The following BAIAP2L1 variants were observed in gnomAD, a reference collection of about 807,000 sequenced individuals.
The protein encoded by BAIAP2L1 is BAR/IMD domain-containing adapter protein 2-like 1.
In BAIAP2L1, 35 loss-of-function variants were observed where a neutral mutation model predicts 66.3. That is an observed-to-expected ratio of 0.53 (90% CI 0.40 to 0.70). BAIAP2L1 has a LOEUF of 0.70. Among genes scored for constraint, BAIAP2L1 ranks in the 30% least tolerant of loss-of-function variants. The probability of loss-of-function intolerance (pLI) is 0.00; values close to 1 mark genes in which losing one functional copy is unlikely to be tolerated. For missense variants in BAIAP2L1, 622 were observed against 656.9 expected, an observed-to-expected ratio of 0.95 and a Z score of 0.58; for synonymous variants, 269 against 248.7, an observed-to-expected ratio of 1.08 and a Z score of -0.77.
chr7:98,383,367 T>C (rs1802806469), intron 1 of BAIAP2L1, among the ~76,000 whole-genome samples: 1 of 148,958 alleles, frequency 6.7e-6, no homozygotes, highest in East Asian at 2.0e-4. Flanking sequence ...CACCACAACC[T>C]CTGCTTCCCT....
intron 3 of BAIAP2L1, among the ~76,000 whole-genome samples, chr7:98,324,831 T>C (rs1801338967): frequency 6.6e-6 from 1 of 152,212 alleles, no homozygotes; most frequent in Admixed American, 6.5e-5. Context: ...CAGTTCACAG[T>C]ACAAATTTAG....
intron 3 of BAIAP2L1, among the ~76,000 whole-genome samples, chr7:98,349,646 G>A (rs1421100721): frequency 1.3e-5 from 2 of 151,644 alleles, no homozygotes; most frequent in Admixed American, 1.3e-4. Flanking sequence ...GCCGAGGCAG[G>A]TGGATTACCT....
intron 11 of BAIAP2L1, 53 bp downstream of exon 11, chr7:98,306,386 C>T (rs1023991032): frequency 2.0e-5 from 32 of 1,600,670 alleles, no homozygotes; most frequent in Non-Finnish European, 2.5e-5. Flanking sequence ...GTTACAGAAA[C>T]GACAAGGCAG....
In BAIAP2L1 at chr7:98,317,450, A is replaced by G. The variant is rs1268262621; in HGVS notation, c.349-94T>C. 7 of 1,497,768 alleles carry G rather than the reference A, an allele frequency of 4.7e-6. No individual in the cohort carries two copies. In the Admixed American group the frequency reaches 7.1e-5, roughly 15 times the overall value. 92.8% of individuals were successfully genotyped at this position (1,497,768 alleles called of 1,614,324 possible). On this transcript the variant is annotated intron_variant, in intron 5 of 13. Transcript: ENST00000005260. ...TCACACTTCCACTGTGTGTGGCTCA[A>G]CGGGGCCCTGACACCCTCACTTCAC... is the stretch of plus-strand genomic sequence containing the variant.
intron 2 of BAIAP2L1, among the ~76,000 whole-genome samples, chr7:98,358,825 T>C (rs987742735): frequency 6.6e-6 from 1 of 151,990 alleles, no homozygotes; most frequent in South Asian, 2.1e-4. Flanking sequence ...CCAGAGCCCG[T>C]AGTAGATTTT....
At position 98,307,715 on chromosome 7, in the gene BAIAP2L1, G is replaced by A; in HGVS notation, c.1137C>T (p.Leu379=). 1 of 1,614,204 alleles carries A rather than the reference G, an allele frequency of 6.2e-7. No homozygotes were observed. The highest frequency in any genetic ancestry group is 8.5e-7 in the Non-Finnish European group (1 of 1,180,058). ...CCTTGGACACGTCGTGTTCTCCATA[G>A]AGCCAGCCATCCTTCTCCTCGGGGA... ...LLIPEEKDGW[L]YGEHDVSKAR... The change falls in exon 10 of 14, where the codon CTC becomes CTT. Residue 379 remains leucine, a synonymous_variant. Transcript: ENST00000005260.
At chr7:98,357,045 ATATAT>A (rs1466256560) in intron 2 of BAIAP2L1, among the ~76,000 whole-genome samples, 84 of 15,652 alleles carry the variant, frequency 5.4e-3, no homozygotes, top group East Asian at 0.027. Context: ...ATATATATAT[ATATAT>A]TTTTTTTTTT....
At chr7:98,320,356 A>G (rs961827922) in intron 3 of BAIAP2L1, 58 bp from the exon 4 acceptor site, 11 of 1,379,378 alleles carry the variant, frequency 8.0e-6, no homozygotes, top group African/African-American at 7.3e-5. Flanking sequence ...TTGTTTTGAA[A>G]TGGAGTTTTT....
At chr7:98,392,372 A>G (rs921405976) in intron 1 of BAIAP2L1, among the ~76,000 whole-genome samples, 2 of 152,222 alleles carry the variant, frequency 1.3e-5, no homozygotes, top group African/African-American at 4.8e-5. Flanking sequence ...CTAACTGGCT[A>G]GAGTTCAGGG....
At chr7:98,325,121 A>T (rs541646391) in intron 3 of BAIAP2L1, among the ~76,000 whole-genome samples, 1 of 152,344 alleles carries the variant, frequency 6.6e-6, no homozygotes, top group African/African-American at 2.4e-5. Flanking sequence ...GCAGTGGCTC[A>T]CGCCTGTAAT....
chr7:98,311,509 C>G (rs1800867644), intron 8 of BAIAP2L1, among the ~76,000 whole-genome samples: 1 of 151,448 alleles, frequency 6.6e-6, no homozygotes, highest in Non-Finnish European at 1.5e-5. Flanking sequence ...CCATTGCACT[C>G]CAGCCTGAGT....
In BAIAP2L1 at chr7:98,292,666, G is replaced by A. The variant is rs977999844; in HGVS notation, c.*855C>T. ...ACCAGAGGTCATCCTGGCTTTACAC[G>A]TATCCTTTGAGAGTCTGTACCTGAT... is the stretch of plus-strand genomic sequence containing the variant. On this transcript the variant is annotated 3_prime_UTR_variant, in exon 14 of 14. Coordinates refer to ENST00000005260, the MANE Select transcript of BAIAP2L1 (RefSeq NM_018842.5). 4.5e-6 allele frequency: 7 copies of A among 1,551,480 alleles called. No individual in the cohort carries two copies. Among genetic ancestry groups the A allele is most frequent in the Middle Eastern group, 1.7e-4 (1 of 6,014 alleles).
chr7:98,325,382 T>C (rs1562974236), intron 3 of BAIAP2L1, among the ~76,000 whole-genome samples: 1 of 145,238 alleles, frequency 6.9e-6, no homozygotes, highest in Non-Finnish European at 1.5e-5. Flanking sequence ...AAATAAATAA[T>C]AATAATAATT....
chr7:98,392,978 GAT>G (rs1003504142), intron 1 of BAIAP2L1, among the ~76,000 whole-genome samples: 7 of 148,662 alleles, frequency 4.7e-5, no homozygotes, highest in African/African-American at 1.5e-4. Flanking sequence ...TATATATATA[GAT>G]ATATATATGT....
chr7:98,300,791 T>C (rs916875183), intron 12 of BAIAP2L1, among the ~76,000 whole-genome samples: 8 of 152,016 alleles, frequency 5.3e-5, no homozygotes, highest in African/African-American at 1.9e-4. Flanking sequence ...CAGGCAGCAG[T>C]GTGGAGGCTC....
At chr7:98,340,588 TGTAA>T (rs1440423568) in intron 3 of BAIAP2L1, among the ~76,000 whole-genome samples, 4 of 152,198 alleles carry the variant, frequency 2.6e-5, no homozygotes, top group African/African-American at 9.6e-5. Context: ...CGCCCGGCTA[TGTAA>T]GTAATATTTA....
In BAIAP2L1 at chr7:98,389,918, A is replaced by AT. The variant is rs750099451; in HGVS notation, c.51+10883dup. Among the ~76,000 whole-genome samples the AT allele has an allele frequency of 2.0e-3, 261 of 129,748 alleles. 2 individuals are homozygous for AT. Among genetic ancestry groups the AT allele is most frequent in the Middle Eastern group, 5.1e-3 (1 of 196 alleles). The allele number at this position is 129,748 out of a possible 152,430, so 85.1% of individuals were successfully genotyped here. On this transcript the variant is annotated intron_variant, in intron 1 of 13. Transcript: ENST00000005260. ...TGCACGTGTAGTCTTGGGTTAGTAA[A>AT]TTTTTTTTTTTTTTTGAGAGGTAGT...
At chr7:98,357,043 ATATATATTTTTTT>A (rs1280698842) in intron 2 of BAIAP2L1, among the ~76,000 whole-genome samples, 15 of 16,762 alleles carry the variant, frequency 8.9e-4, no homozygotes, top group African/African-American at 3.0e-3. Flanking sequence ...ATATATATAT[ATATATATTTTTTT>A]TTTTTTTTTT....
At chr7:98,343,804 C>T (rs139661030) in intron 3 of BAIAP2L1, among the ~76,000 whole-genome samples, 4 of 152,330 alleles carry the variant, frequency 2.6e-5, no homozygotes, top group East Asian at 3.9e-4. Flanking sequence ...GTGGGCCAAA[C>T]GTCTCTGCTG....
Sources: allele counts gnomAD v4.1 joint callset (sites outside exome capture counted in the v4.1 genomes callset), GRCh38; gene constraint gnomAD v4.1.1; transcripts MANE v1.5; gene names NCBI Gene and HGNC (gene_info 2026-07-23, HGNC 2026-07-21).